The following CNTNAP2 variants were observed in gnomAD, a reference collection of about 807,000 sequenced individuals.
CNTNAP2 encodes the protein contactin associated protein 2, also known as contactin-associated protein-like 2.
In CNTNAP2, 98 loss-of-function variants were observed where a neutral mutation model predicts 155.2. The ratio of observed to expected loss-of-function variants is 0.63; its 90% confidence interval spans 0.54 to 0.75. The LOEUF is 0.75. Ranked by LOEUF, CNTNAP2 falls within the 30% of genes least tolerant of loss-of-function variation. The pLI is 0.00. For synonymous variants in CNTNAP2, 651 were observed against 631.2 expected, an observed-to-expected ratio of 1.03 and a Z score of -0.47; for missense variants, 1,727 against 1,688.1, an observed-to-expected ratio of 1.02 and a Z score of -0.40.
intron 1 of CNTNAP2, among the ~76,000 whole-genome samples, chr7:146,324,253 C>T (rs900169288): frequency 2.0e-5 from 3 of 152,074 alleles, no homozygotes; most frequent in African/African-American, 7.2e-5. Context: ...CAGAGAGACT[C>T]TGTCTCAAAA....
intron 1 of CNTNAP2, among the ~76,000 whole-genome samples, chr7:146,233,293 C>A (rs934250843): frequency 2.0e-5 from 3 of 152,088 alleles, no homozygotes; most frequent in Non-Finnish European, 4.4e-5. Context: ...TAACTTAATT[C>A]ACCTTGCGAT....
intron 1 of CNTNAP2, among the ~76,000 whole-genome samples, chr7:146,197,600 CT>C (rs1182910435): frequency 6.6e-6 from 1 of 152,122 alleles, no homozygotes; most frequent in African/African-American, 2.4e-5. Flanking sequence ...ATACAAGAGA[CT>C]TAAAATTTAA....
At chr7:146,164,537 T>G (rs1295686819) in intron 1 of CNTNAP2, among the ~76,000 whole-genome samples, 1 of 152,196 alleles carries the variant, frequency 6.6e-6, no homozygotes, top group Non-Finnish European at 1.5e-5. Flanking sequence ...GAGGGGCAGA[T>G]TTCCATTTCC....
At chr7:148,333,168 C>T (rs1798059996) in intron 21 of CNTNAP2, among the ~76,000 whole-genome samples, 1 of 152,156 alleles carries the variant, frequency 6.6e-6, no homozygotes, top group Admixed American at 6.5e-5. Flanking sequence ...TGGCTCACCC[C>T]CGTAATCCCA....
chr7:146,295,601 T>C (rs1307935178), intron 1 of CNTNAP2, among the ~76,000 whole-genome samples: 2 of 151,976 alleles, frequency 1.3e-5, no homozygotes, highest in Non-Finnish European at 2.9e-5. Flanking sequence ...TTCTTGCTAA[T>C]AAAAGAAAAA....
intron 21 of CNTNAP2, among the ~76,000 whole-genome samples, chr7:148,347,552 G>A (rs2116591937): frequency 1.3e-5 from 2 of 152,206 alleles, no homozygotes; most frequent in South Asian, 4.2e-4. Context: ...TTGTTTGGCT[G>A]TCAAAGTCAC....
intron 18 of CNTNAP2, among the ~76,000 whole-genome samples, chr7:148,187,295 G>A (rs1433388142): frequency 2.6e-5 from 4 of 152,178 alleles, no homozygotes; most frequent in Non-Finnish European, 4.4e-5. Flanking sequence ...CTGAATATAT[G>A]AGGAGAGGAA....
At chr7:146,990,018 T>C (rs1029930882) in intron 3 of CNTNAP2, among the ~76,000 whole-genome samples, 17 of 152,052 alleles carry the variant, frequency 1.1e-4, no homozygotes, top group African/African-American at 4.1e-4. Flanking sequence ...ACAGGGATAT[T>C]ATGTCCAATA....
At chr7:147,218,332 A>G (rs1803320212) in intron 8 of CNTNAP2, among the ~76,000 whole-genome samples, 1 of 151,746 alleles carries the variant, frequency 6.6e-6, no homozygotes, top group African/African-American at 2.4e-5. Context: ...TTAATAAATT[A>G]TATTTTTATT....
chr7:146,294,711 C>T (rs1800485020), intron 1 of CNTNAP2, among the ~76,000 whole-genome samples: 1 of 152,108 alleles, frequency 6.6e-6, no homozygotes, highest in African/African-American at 2.4e-5. Flanking sequence ...AGAGCCTGAA[C>T]CTTAGAGAAT....
intron 3 of CNTNAP2, among the ~76,000 whole-genome samples, chr7:146,960,637 G>A (rs1360903556): frequency 1.3e-5 from 2 of 152,174 alleles, no homozygotes; most frequent in Non-Finnish European, 2.9e-5. Context: ...GCATTGGTAA[G>A]AATTACAATG....
intron 10 of CNTNAP2, among the ~76,000 whole-genome samples, chr7:147,448,484 G>GTATATATATA (rs10683190): frequency 0.07 from 10,001 of 143,072 alleles, 410 homozygotes; most frequent in Non-Finnish European, 0.089. Flanking sequence ...GTGTGTGTGT[G>GTATATATATA]TATATATATA....
intron 13 of CNTNAP2, among the ~76,000 whole-genome samples, chr7:147,652,303 C>T (rs1795461096): frequency 6.6e-6 from 1 of 152,188 alleles, no homozygotes; most frequent in East Asian, 1.9e-4. Flanking sequence ...TTATGACCTT[C>T]ATCCCGTATC....
At chr7:147,874,266 G>A (rs1799384279) in intron 13 of CNTNAP2, among the ~76,000 whole-genome samples, 1 of 152,218 alleles carries the variant, frequency 6.6e-6, no homozygotes, top group African/African-American at 2.4e-5. Flanking sequence ...CTTCTGCACT[G>A]ACCTAGGAGA....
At chr7:147,876,129 A>T (rs1799415646) in intron 13 of CNTNAP2, among the ~76,000 whole-genome samples, 1 of 152,130 alleles carries the variant, frequency 6.6e-6, no homozygotes, top group South Asian at 2.1e-4. Context: ...GGAAGAGAAC[A>T]CTCTGCCCCG....
intron 1 of CNTNAP2, among the ~76,000 whole-genome samples, chr7:146,745,655 T>C (rs1801796818): frequency 6.6e-6 from 1 of 151,200 alleles, no homozygotes. Flanking sequence ...TAATCCCAGC[T>C]ACTCAGGAGG....
chr7:148,406,629 G>A (rs1345542567), intron 22 of CNTNAP2, among the ~76,000 whole-genome samples: 1 of 152,204 alleles, frequency 6.6e-6, no homozygotes, highest in East Asian at 1.9e-4. Flanking sequence ...CACAAGCTTG[G>A]TGACTTTCTA....
At chr7:146,525,564 CTA>C (rs1354383466) in intron 1 of CNTNAP2, among the ~76,000 whole-genome samples, 20 of 147,158 alleles carry the variant, frequency 1.4e-4, no homozygotes, top group African/African-American at 5.1e-4. Flanking sequence ...ATCTATCTAT[CTA>C]TCTATCTATC....
In CNTNAP2 at chr7:147,644,759, A is replaced by T. The variant is rs115442759; in HGVS notation, c.2098+5453A>T. ...AACCAAAATGTTTCTCTGTATTTGGACAAGAACTATTATGCTGCCATTAAA... is the reference window on the plus strand; with the variant it reads ...AACCAAAATGTTTCTCTGTATTTGGTCAAGAACTATTATGCTGCCATTAAA... On this transcript the variant is annotated intron_variant, in intron 13 of 23. Transcript: ENST00000361727. Among the ~76,000 whole-genome samples, 553 of 152,322 alleles carry T rather than the reference A, an allele frequency of 3.6e-3. 3 individuals carry two copies. The highest frequency in any genetic ancestry group is 0.012 in the African/African-American group (516 of 41,570).
Sources: gnomAD v4.1 joint callset for allele counts (sites outside exome capture counted in the v4.1 genomes callset) on GRCh38, gnomAD v4.1.1 for gene constraint, MANE v1.5 for transcripts, NCBI Gene and HGNC (gene_info 2026-07-23, HGNC 2026-07-21) for gene names.